Variants in GAREM1 observed in about 807,000 individuals in gnomAD.
GAREM1 encodes the protein GRB2 associated regulator of MAPK1 subtype 1, also known as GRB2-associated and regulator of MAPK protein 1.
In GAREM1, 26 loss-of-function variants were observed where a neutral mutation model predicts 71.3. The observed-to-expected ratio is 0.36, with a 90% CI of 0.27 to 0.51. The LOEUF (loss-of-function observed/expected upper bound fraction) is 0.51, where lower values mean the gene tolerates loss of function less well. GAREM1 is among the 20% of genes least tolerant of loss of function. GAREM1 has a pLI of 0.95. For synonymous variants in GAREM1, 440 were observed against 433.2 expected, an observed-to-expected ratio of 1.02 and a Z score of -0.20; for missense variants, 1,026 against 1,103.1, an observed-to-expected ratio of 0.93 and a Z score of 0.99.
intron 1 of GAREM1, among the ~76,000 whole-genome samples, chr18:32,460,405 C>T (rs895372375): frequency 3.9e-5 from 6 of 152,166 alleles, no homozygotes; most frequent in South Asian, 2.1e-4. Flanking sequence ...TCAAAGCCCA[C>T]GTGGTATTCA....
At chr18:32,318,055 T>G (rs780178773) in intron 2 of GAREM1, among the ~76,000 whole-genome samples, 4 of 152,222 alleles carry the variant, frequency 2.6e-5, no homozygotes, top group Non-Finnish European at 5.9e-5. Context: ...AGCTGCATTG[T>G]CTTTCAGGAG....
At chr18:32,317,393 CA>C (rs35166372) in intron 2 of GAREM1, among the ~76,000 whole-genome samples, 3,118 of 72,590 alleles carry the variant, frequency 0.043, 40 homozygotes, top group African/African-American at 0.08. Flanking sequence ...CGCTCTGTCA[CA>C]AAAAAAAAAA....
At chr18:32,426,041 CGGAATCTTGAT>C (rs1568006818) in intron 1 of GAREM1, among the ~76,000 whole-genome samples, 147 of 152,076 alleles carry the variant, frequency 9.7e-4, no homozygotes, top group African/African-American at 3.5e-3. Context: ...GTTTTTGAGA[CGGAATCTTGAT>C]CTGTCGCCCA....
intron 1 of GAREM1, among the ~76,000 whole-genome samples, chr18:32,447,798 A>C (rs978810863): frequency 2.0e-5 from 3 of 152,180 alleles, no homozygotes; most frequent in Non-Finnish European, 4.4e-5. Flanking sequence ...AATTGGTTTT[A>C]TTTCTACAGA....
At chr18:32,373,134 A>G (rs2048000601) in intron 2 of GAREM1, among the ~76,000 whole-genome samples, 1 of 152,218 alleles carries the variant, frequency 6.6e-6, no homozygotes, top group Non-Finnish European at 1.5e-5. Context: ...ATAAATATCT[A>G]ATTTTTTATT....
intron 2 of GAREM1, among the ~76,000 whole-genome samples, chr18:32,323,801 T>C (rs2047451353): frequency 6.6e-6 from 1 of 152,188 alleles, no homozygotes; most frequent in Non-Finnish European, 1.5e-5. Flanking sequence ...AAATGATTCA[T>C]TTTTTAATCT....
intron 2 of GAREM1, among the ~76,000 whole-genome samples, chr18:32,376,407 T>C (rs2048030771): frequency 6.6e-6 from 1 of 152,276 alleles, no homozygotes; most frequent in Non-Finnish European, 1.5e-5. Context: ...CACTAAAATC[T>C]GATATTAGTT....
At chr18:32,293,169 A>G (rs2047104005) in intron 3 of GAREM1, among the ~76,000 whole-genome samples, 7 of 152,036 alleles carry the variant, frequency 4.6e-5, no homozygotes. Context: ...ACAGACACAC[A>G]CACACACGTA....
chr18:32,356,751 A>C (rs1203847314), intron 2 of GAREM1, among the ~76,000 whole-genome samples: 1 of 152,206 alleles, frequency 6.6e-6, no homozygotes, highest in Non-Finnish European at 1.5e-5. Flanking sequence ...ACAATGAACA[A>C]GAGAAATGGG....
chr18:32,282,310 C>T (rs2046962476), intron 4 of GAREM1, among the ~76,000 whole-genome samples: 1 of 152,192 alleles, frequency 6.6e-6, no homozygotes, highest in Admixed American at 6.5e-5. Context: ...CCTGTAGTCC[C>T]AGCTCATTGG....
chr18:32,430,186 G>A (rs1252948372), intron 1 of GAREM1, among the ~76,000 whole-genome samples: 1 of 152,154 alleles, frequency 6.6e-6, no homozygotes, highest in Non-Finnish European at 1.5e-5. Context: ...TCATGGCAGA[G>A]AATGCTGGTA....
rs562425060 is a variant in GAREM1, at chr18:32,340,218, A to C, written c.263-29895T>G. Among the ~76,000 whole-genome samples, 26 of 152,364 alleles carry C rather than the reference A, an allele frequency of 1.7e-4. No individual in the cohort carries two copies. The South Asian group carries it at 3.7e-3, about 22-fold the overall frequency. On this transcript the variant is annotated intron_variant, in intron 2 of 5. Transcript: ENST00000269209. The stretch of plus-strand genomic sequence containing the variant: ...GGCCCTGAGGGCTATAATGATGAGC[A>C]AAGTGGACAGTCATGGCCTCTTAGA...
intron 4 of GAREM1, among the ~76,000 whole-genome samples, chr18:32,284,509 T>C (rs928800064): frequency 8.5e-5 from 13 of 152,240 alleles, no homozygotes; most frequent in African/African-American, 3.1e-4. Flanking sequence ...GCTAGTTTCC[T>C]ACCTCTAGAC....
At chr18:32,428,470 G>C (rs1320634493) in intron 1 of GAREM1, among the ~76,000 whole-genome samples, 1 of 152,072 alleles carries the variant, frequency 6.6e-6, no homozygotes, top group East Asian at 1.9e-4. Context: ...GAGTTCTCGT[G>C]AGATCTGGTT....
chr18:32,404,400 C>T lies in GAREM1; in HGVS notation c.122-11365G>A, dbSNP rs1430995730. 2.0e-5 allele frequency among the ~76,000 whole-genome samples: 3 copies of T among 151,916 alleles called. No individual in the cohort carries two copies. In the East Asian group the frequency reaches 5.8e-4, roughly 29 times the overall value. On this transcript the variant is annotated intron_variant, in intron 1 of 5. Coordinates refer to ENST00000269209, the MANE Select transcript of GAREM1 (RefSeq NM_001242409.2). The stretch of plus-strand genomic sequence containing the variant: ...GGATGAATCCAGAGAACAAAACAGA[C>T]ACACGCTCATGTTGGGTTTTTGGGT...
At chr18:32,386,599 T>C (rs758246905) in intron 2 of GAREM1, among the ~76,000 whole-genome samples, 1 of 152,214 alleles carries the variant, frequency 6.6e-6, no homozygotes, top group Non-Finnish European at 1.5e-5. Context: ...TATGTTCAAG[T>C]AGCAATCTGT....
chr18:32,374,928 G>C (rs931474867), intron 2 of GAREM1, among the ~76,000 whole-genome samples: 4 of 152,098 alleles, frequency 2.6e-5, no homozygotes, highest in African/African-American at 9.7e-5. Context: ...AAATTTAGAA[G>C]AAAAGGCCCT....
chr18:32,467,477 A>G (rs949823962), intron 1 of GAREM1, among the ~76,000 whole-genome samples: 3 of 152,178 alleles, frequency 2.0e-5, no homozygotes, highest in Admixed American at 6.5e-5. Flanking sequence ...ACGAGTCTTC[A>G]GGCAAGTCAA....
At chr18:32,421,438 T>C (rs1418236408) in intron 1 of GAREM1, among the ~76,000 whole-genome samples, 3 of 152,178 alleles carry the variant, frequency 2.0e-5, no homozygotes, top group Admixed American at 2.0e-4. Context: ...CTGGTTCCCA[T>C]TCTGGTGCTA....
Sources: gnomAD v4.1 joint callset for allele counts (sites outside exome capture counted in the v4.1 genomes callset) on GRCh38, gnomAD v4.1.1 for gene constraint, MANE v1.5 for transcripts, NCBI Gene and HGNC (gene_info 2026-07-23, HGNC 2026-07-21) for gene names.